IPO11: variants seen among roughly 807,000 people sequenced by gnomAD.
The protein encoded by IPO11 is importin-11.
IPO11 carries 66 observed loss-of-function variants against 143.2 expected under a neutral mutation model. The ratio of observed to expected loss-of-function variants is 0.46; its 90% CI spans 0.38 to 0.57. The LOEUF (loss-of-function observed/expected upper bound fraction) is 0.57, where lower values mean the gene tolerates loss of function less well. IPO11 is among the 20% of genes least tolerant of loss of function. The pLI, the probability that IPO11 is intolerant of heterozygous loss-of-function variation, is 0.00. For missense variants in IPO11, 1,026 were observed against 1,141.0 expected (o/e 0.90, Z 1.45); for synonymous variants, 385 against 377.8 (o/e 1.02, Z -0.22).
intron 6 of IPO11, among the ~76,000 whole-genome samples, chr5:62,469,736 T>A (rs1389586462): frequency 6.6e-6 from 1 of 152,282 alleles, no homozygotes; most frequent in East Asian, 1.9e-4. Context: ...GTTATCCTGC[T>A]TATCTCTCTG....
intron 27 of IPO11, among the ~76,000 whole-genome samples, chr5:62,571,003 A>G (rs1039659849): frequency 1.3e-5 from 2 of 152,232 alleles, no homozygotes; most frequent in African/African-American, 2.4e-5. Context: ...AAATAATTAT[A>G]CACAGAATAA....
At chr5:62,514,479 G>T (rs1741926139) in intron 19 of IPO11, among the ~76,000 whole-genome samples, 2 of 151,714 alleles carry the variant, frequency 1.3e-5, no homozygotes, top group Admixed American at 6.5e-5. Context: ...GCAATCGCAG[G>T]CACTTGGCAG....
chr5:62,455,259 C>T (rs949799123), intron 5 of IPO11, among the ~76,000 whole-genome samples: 3 of 152,192 alleles, frequency 2.0e-5, no homozygotes, highest in Admixed American at 1.3e-4. Context: ...GCTGGGCTCA[C>T]GCCTGTAGTC....
rs752344566 is a variant in IPO11 at position 62,489,338 on chromosome 5, TC to T, written c.1347del (p.Asp451MetfsTer9). 6.4e-7 allele frequency: 1 copy of T among 1,563,112 alleles called. No homozygotes were observed. Among genetic ancestry groups the T allele is most frequent in the Non-Finnish European group, 8.7e-7 (1 of 1,149,238 alleles). On this transcript the variant is annotated frameshift_variant, in exon 14 of 30. Coordinates refer to ENST00000325324, the MANE Select transcript of IPO11 (RefSeq NM_016338.5). LOFTEE classifies it high-confidence loss of function. ...TNVEDMNALL[I>X]KDAVYNAVGL... ...GTGGAAGATATGAATGCACTGTTAA[TC>T]AAAGATGCTGGTATGTTAAACTTAA...
chr5:62,621,180 T>C (rs952221103), intron 29 of IPO11, among the ~76,000 whole-genome samples: 2 of 152,140 alleles, frequency 1.3e-5, no homozygotes, highest in African/African-American at 4.8e-5. Flanking sequence ...GAAGAGAGTC[T>C]ATGTAAGTTT....
At chr5:62,575,798 A>AT (rs999630875) in intron 27 of IPO11, among the ~76,000 whole-genome samples, 14 of 151,128 alleles carry the variant, frequency 9.3e-5, no homozygotes, top group East Asian at 3.9e-4. Context: ...CTATGTTGTT[A>AT]TTTTTTTTTC....
intron 15 of IPO11, among the ~76,000 whole-genome samples, chr5:62,491,286 A>G (rs1462408723): frequency 1.3e-5 from 2 of 152,228 alleles, no homozygotes; most frequent in Non-Finnish European, 2.9e-5. Context: ...CAGTTATTCA[A>G]TCATTTATTC....
chr5:62,499,765 A>G (rs1741285922), intron 16 of IPO11, among the ~76,000 whole-genome samples: 1 of 151,794 alleles, frequency 6.6e-6, no homozygotes. Context: ...GTGCAAAAAT[A>G]TTTTCTTTTG....
intron 22 of IPO11, among the ~76,000 whole-genome samples, chr5:62,535,052 T>TTTATTTA (rs1222226901): frequency 1.3e-5 from 2 of 150,404 alleles, no homozygotes; most frequent in African/African-American, 4.9e-5. Flanking sequence ...TATTTATTTA[T>TTTATTTA]TTGATGATGA....
At chr5:62,416,004 T>C (rs1393509848) in intron 1 of IPO11, among the ~76,000 whole-genome samples, 1 of 152,072 alleles carries the variant, frequency 6.6e-6, no homozygotes, top group East Asian at 1.9e-4. Flanking sequence ...CAAGAGAATT[T>C]TTTTTCTCAC....
At chr5:62,556,638 C>T (rs1053003429) in intron 26 of IPO11, among the ~76,000 whole-genome samples, 1 of 151,926 alleles carries the variant, frequency 6.6e-6, no homozygotes, top group East Asian at 1.9e-4. Context: ...TCACTGCACT[C>T]CAGACTGGGC....
intron 22 of IPO11, among the ~76,000 whole-genome samples, chr5:62,536,467 T>C (rs1047602582): frequency 1.3e-5 from 2 of 151,976 alleles, no homozygotes; most frequent in Non-Finnish European, 2.9e-5. Flanking sequence ...TGAGACAGGG[T>C]CTCACTCTTT....
chr5:62,473,752 GT>G (rs1745865128), intron 7 of IPO11, among the ~76,000 whole-genome samples: 2 of 151,918 alleles, frequency 1.3e-5, no homozygotes, highest in South Asian at 4.2e-4. Flanking sequence ...AAATTTTTAA[GT>G]TTTTTTCACT....
chr5:62,598,404 C>A (rs1343356721), intron 28 of IPO11, among the ~76,000 whole-genome samples: 1 of 9,730 alleles, frequency 1.0e-4, no homozygotes, highest in Non-Finnish European at 1.5e-4. Flanking sequence ...TTCTTTCTTT[C>A]TTTCTTTCTT....
At chr5:62,461,501 G>A (rs1381749962) in intron 5 of IPO11, among the ~76,000 whole-genome samples, 2 of 152,232 alleles carry the variant, frequency 1.3e-5, no homozygotes, top group Non-Finnish European at 2.9e-5. Context: ...CCTCACTAAA[G>A]TTTGGTTAAG....
intron 27 of IPO11, among the ~76,000 whole-genome samples, chr5:62,577,696 C>G (rs998762424): frequency 6.6e-6 from 1 of 151,982 alleles, no homozygotes; most frequent in African/African-American, 2.4e-5. Flanking sequence ...TGATAACGAT[C>G]TGCTATCCAG....
chr5:62,492,943 T>C (rs1740983462), intron 15 of IPO11, among the ~76,000 whole-genome samples: 3 of 152,226 alleles, frequency 2.0e-5, no homozygotes. Context: ...CCCAGAAATA[T>C]TTATCATCTT....
intron 16 of IPO11, among the ~76,000 whole-genome samples, chr5:62,497,995 T>G (rs1194207094): frequency 6.6e-6 from 1 of 152,208 alleles, no homozygotes; most frequent in Non-Finnish European, 1.5e-5. Flanking sequence ...ACTGGCCTAC[T>G]TGTGTATCTC....
chr5:62,472,848 A>G (rs1374285532), intron 7 of IPO11, among the ~76,000 whole-genome samples: 3 of 152,218 alleles, frequency 2.0e-5, no homozygotes, highest in African/African-American at 7.2e-5. Context: ...TAAAAATAAC[A>G]GAGAGCTTAA....
Sources: gnomAD v4.1 joint callset for allele counts (sites outside exome capture counted in the v4.1 genomes callset) on GRCh38, gnomAD v4.1.1 for gene constraint, MANE v1.5 for transcripts, NCBI Gene and HGNC (gene_info 2026-07-23, HGNC 2026-07-21) for gene names.